RCL1: variants seen among roughly 807,000 people sequenced by gnomAD.
RCL1 encodes the protein RNA 3'-terminal phosphate cyclase-like protein.
RCL1 carries 24 observed loss-of-function variants against 42.4 expected under a neutral mutation model. The ratio of observed to expected loss-of-function variants is 0.57; its 90% confidence interval spans 0.41 to 0.80. The LOEUF (loss-of-function observed/expected upper bound fraction) is 0.80, where lower values mean the gene tolerates loss of function less well. RCL1 is among the 30% of genes least tolerant of loss of function. The pLI is 0.00. For synonymous variants in RCL1, 228 were observed against 177.3 expected (o/e 1.29, Z -2.27); for missense variants, 578 against 467.9 (o/e 1.24, Z -2.17).
chr9:4,831,622 G>A (rs997687849), intron 3 of RCL1, among the ~76,000 whole-genome samples: 5 of 144,062 alleles, frequency 3.5e-5, no homozygotes, highest in East Asian at 2.2e-4. Flanking sequence ...GACCACAGGC[G>A]TGCAGCATGC....
chr9:4,822,345 T>G (rs1057335710), intron 1 of RCL1, among the ~76,000 whole-genome samples: 4 of 152,212 alleles, frequency 2.6e-5, no homozygotes, highest in Non-Finnish European at 5.9e-5. Context: ...AGTTAGTCTT[T>G]CTGTCCTTGT....
At chr9:4,815,094 G>C (rs146316760) in intron 1 of RCL1, among the ~76,000 whole-genome samples, 1 of 152,066 alleles carries the variant, frequency 6.6e-6, no homozygotes, top group Non-Finnish European at 1.5e-5. Flanking sequence ...GCCTTGGGAA[G>C]ACCCTTTTGG....
intron 7 of RCL1, among the ~76,000 whole-genome samples, chr9:4,846,369 G>A (rs571844902): frequency 6.6e-6 from 1 of 152,376 alleles, no homozygotes; most frequent in Non-Finnish European, 1.5e-5. Context: ...AAATCTTCCT[G>A]AAGGAGGAGG....
At chr9:4,808,069 C>T (rs10758654) in intron 1 of RCL1, among the ~76,000 whole-genome samples, 47,659 of 151,608 alleles carry the variant, frequency 0.31, 7,825 homozygotes, top group South Asian at 0.42. Context: ...TAGATCCTAT[C>T]GGTTCATGGT....
chr9:4,821,297 G>A (rs1292303431), intron 1 of RCL1, among the ~76,000 whole-genome samples: 1 of 152,186 alleles, frequency 6.6e-6, no homozygotes, highest in Non-Finnish European at 1.5e-5. Flanking sequence ...GAGAAGGACA[G>A]ACTTGGGCTC....
chr9:4,834,140 G>A lies in RCL1; in HGVS notation c.460-1G>A. 1 of 1,612,594 alleles carries A rather than the reference G, an allele frequency of 6.2e-7. No homozygotes were observed. Among genetic ancestry groups the A allele is most frequent in the Non-Finnish European group, 8.5e-7 (1 of 1,179,152 alleles). Reference sequence around the variant, plus strand: ...CCTCATCTTTCTCACTCTCTGTGTAGATTGTGCGACGGGGAATGCCTCCCG... The same window carrying A: ...CCTCATCTTTCTCACTCTCTGTGTAAATTGTGCGACGGGGAATGCCTCCCG... On this transcript the variant is annotated splice_acceptor_variant, in intron 4 of 8. Transcript: ENST00000381750. LOFTEE classifies it high-confidence loss of function.
At chr9:4,822,757 G>C (rs1410175245) in intron 1 of RCL1, among the ~76,000 whole-genome samples, 1 of 152,080 alleles carries the variant, frequency 6.6e-6, no homozygotes, top group African/African-American at 2.4e-5. Context: ...GGAGTTCCAG[G>C]TTACAGTGAG....
rs531050168 is a variant in RCL1, at chr9:4,851,372, G to A, written c.971+1822G>A. ...GCCAGGGTGGGAAAGGGAAGCCTCC[G>A]TTCTTTTTGGTAAGCTAGCATAAAG... On this transcript the variant is annotated intron_variant, in intron 8 of 8. Coordinates refer to ENST00000381750, the MANE Select transcript of RCL1 (RefSeq NM_005772.5). 1.1e-4 allele frequency among the ~76,000 whole-genome samples: 16 copies of A among 152,292 alleles called. No individual in the cohort carries two copies. In the South Asian group the frequency reaches 2.5e-3, roughly 24 times the overall value.
intron 8 of RCL1, among the ~76,000 whole-genome samples, chr9:4,850,621 C>T (rs1315477567): frequency 6.6e-6 from 1 of 151,410 alleles, no homozygotes; most frequent in African/African-American, 2.4e-5. Flanking sequence ...ACATTATCTC[C>T]TGATAGCTTG....
intron 1 of RCL1, among the ~76,000 whole-genome samples, chr9:4,806,017 G>GTGTGT (rs1815938472): frequency 7.0e-6 from 1 of 142,740 alleles, no homozygotes; most frequent in East Asian, 2.0e-4. Flanking sequence ...ATACCATTGG[G>GTGTGT]GTGTGTGTGT....
rs554589567 is a variant in RCL1 at position 4,794,302 on chromosome 9, G to A, written c.136+1075G>A. Among the ~76,000 whole-genome samples, 4 of 152,302 alleles carry A rather than the reference G, an allele frequency of 2.6e-5. No individual in the cohort carries two copies. The East Asian group carries it at 7.7e-4, about 29-fold the overall frequency. On this transcript the variant is annotated intron_variant, in intron 1 of 8. Coordinates refer to ENST00000381750, the MANE Select transcript of RCL1 (RefSeq NM_005772.5). ...GGGCAGAAGATGCCATGCTATTGAC[G>A]GAGATAGGTTAGGAAGGAAAGAAGC... is the stretch of plus-strand genomic sequence containing the variant.
chr9:4,800,562 T>A (rs1451304093), intron 1 of RCL1, among the ~76,000 whole-genome samples: 1 of 151,984 alleles, frequency 6.6e-6, no homozygotes, highest in Non-Finnish European at 1.5e-5. Context: ...TTCTCTGGAA[T>A]AAATGCCCAG....
intron 1 of RCL1, among the ~76,000 whole-genome samples, chr9:4,816,161 T>C (rs1816368950): frequency 6.6e-6 from 1 of 152,242 alleles, no homozygotes. Context: ...TCCTCTTTTA[T>C]GAAGTCTCCA....
chr9:4,826,754 G>A (rs1816776588), intron 2 of RCL1, 104 bp from the exon 3 acceptor site: 6 of 993,654 alleles, frequency 6.0e-6, no homozygotes, highest in Middle Eastern at 2.2e-4. Flanking sequence ...AGCACTCTTG[G>A]ATGCCCTTGT....
chr9:4,805,680 G>A (rs1028470411), intron 1 of RCL1, among the ~76,000 whole-genome samples: 3 of 152,262 alleles, frequency 2.0e-5, no homozygotes, highest in Admixed American at 1.3e-4. Flanking sequence ...GCAGTGGTGG[G>A]TGTAGCTGAG....
At chr9:4,809,877 C>T (rs1418225414) in intron 1 of RCL1, among the ~76,000 whole-genome samples, 5 of 152,182 alleles carry the variant, frequency 3.3e-5, no homozygotes, top group Non-Finnish European at 5.9e-5. Flanking sequence ...AATGCAGTGG[C>T]GTGATCTTGG....
chr9:4,822,788 T>C (rs1307597430), intron 1 of RCL1, among the ~76,000 whole-genome samples: 1 of 152,166 alleles, frequency 6.6e-6, no homozygotes, highest in Non-Finnish European at 1.5e-5. Context: ...GCCACTATAC[T>C]CCAGTTTGGG....
Position 4,860,461 on chromosome 9 carries a change from G to A in RCL1, c.*186G>A. On this transcript the variant is annotated 3_prime_UTR_variant, in exon 9 of 9. Coordinates refer to ENST00000381750, the MANE Select transcript of RCL1 (RefSeq NM_005772.5). Reference sequence around the variant, plus strand: ...CATATGGTTTCCAGCTGTTTCTCCAGTGGCATTGCCATTGCCCAGGAGGGG... The same window carrying A: ...CATATGGTTTCCAGCTGTTTCTCCAATGGCATTGCCATTGCCCAGGAGGGG... 1.5e-6 allele frequency: 1 copy of A among 655,006 alleles called. No homozygotes were observed. Among genetic ancestry groups the A allele is most frequent in the East Asian group, 3.3e-5 (1 of 30,164 alleles). 40.6% of individuals were successfully genotyped at this position (655,006 alleles called of 1,614,324 possible). A position where few individuals can be genotyped will look rare whatever the true frequency, so the allele number is the denominator to read the frequency against.
intron 8 of RCL1, among the ~76,000 whole-genome samples, chr9:4,855,941 T>A (rs776822624): frequency 6.6e-6 from 1 of 152,194 alleles, no homozygotes; most frequent in Non-Finnish European, 1.5e-5. Context: ...TGAGGGCCCG[T>A]AGAAATTCTG....
Sources: gnomAD v4.1 joint callset for allele counts (sites outside exome capture counted in the v4.1 genomes callset) on GRCh38, gnomAD v4.1.1 for gene constraint, MANE v1.5 for transcripts, NCBI Gene and HGNC (gene_info 2026-07-23, HGNC 2026-07-21) for gene names.